TET3: variants seen among roughly 807,000 people sequenced by gnomAD.
TET3 encodes methylcytosine dioxygenase TET3.
In TET3, 19 loss-of-function variants were observed where a neutral mutation model predicts 141.4. The observed-to-expected ratio is 0.13, with a 90% CI of 0.09 to 0.20. The LOEUF (loss-of-function observed/expected upper bound fraction) is 0.20. TET3 is among the 10% of genes least tolerant of loss of function. The probability of loss-of-function intolerance (pLI) is 1.00; values close to 1 mark genes in which losing one functional copy is unlikely to be tolerated. For synonymous variants in TET3, 1,043 were observed against 980.9 expected (o/e 1.06, Z -1.18); for missense variants, 1,874 against 2,356.9 (o/e 0.80, Z 4.24).
At chr2:74,098,378 T>C (rs1690968384) in intron 10 of TET3, among the ~76,000 whole-genome samples, 2 of 152,202 alleles carry the variant, frequency 1.3e-5, no homozygotes, top group African/African-American at 4.8e-5. Context: ...AAAATATTTA[T>C]ACTATGTTAA....
intron 3 of TET3, among the ~76,000 whole-genome samples, chr2:74,045,328 G>A (rs1687560813): frequency 1.3e-5 from 2 of 152,184 alleles, no homozygotes; most frequent in Non-Finnish European, 2.9e-5. Flanking sequence ...TATACATCCT[G>A]TACCTCATCA....
chr2:74,089,391 T>G (rs1238993720), intron 7 of TET3, among the ~76,000 whole-genome samples: 2 of 152,012 alleles, frequency 1.3e-5, no homozygotes, highest in Admixed American at 6.5e-5. Flanking sequence ...ATAGTTTGCT[T>G]ATCCATCCCC....
At chr2:74,095,641 T>TAC (rs1334536470) in intron 10 of TET3, among the ~76,000 whole-genome samples, 6 of 152,254 alleles carry the variant, frequency 3.9e-5, no homozygotes, top group South Asian at 4.1e-4. Flanking sequence ...ACATTATATA[T>TAC]ACATGCTGTT....
chr2:74,100,230 C>T (rs1020718057), intron 11 of TET3, among the ~76,000 whole-genome samples, 163 bp from the exon 12 acceptor site: 3 of 152,088 alleles, frequency 2.0e-5, no homozygotes, highest in East Asian at 3.9e-4. Flanking sequence ...CCAGGGAGTA[C>T]GACCCGTTCT....
At chr2:74,129,292 GACA>G in the TET3 span, among the ~76,000 whole-genome samples, 1 of 105,030 alleles carries the variant, frequency 9.5e-6, no homozygotes, top group Non-Finnish European at 1.8e-5. Context: ...CTCCAGCCTG[GACA>G]ACAAGAGTGA....
chr2:73,999,944 C>G (rs1318959896), intron 2 of TET3, among the ~76,000 whole-genome samples: 1 of 151,784 alleles, frequency 6.6e-6, no homozygotes, highest in Non-Finnish European at 1.5e-5. Flanking sequence ...ACTATGGGCT[C>G]CTCCTCTGGG....
At chr2:74,066,048 C>T (rs550808336) in intron 4 of TET3, among the ~76,000 whole-genome samples, 13 of 152,262 alleles carry the variant, frequency 8.5e-5, no homozygotes, top group South Asian at 2.1e-4. Flanking sequence ...TGAGCCACCG[C>T]GCCTGGCCCA....
the TET3 span, among the ~76,000 whole-genome samples, chr2:74,126,261 C>T: frequency 5.3e-5 from 8 of 152,140 alleles, no homozygotes; most frequent in African/African-American, 1.9e-4. Context: ...TGTTTTAATG[C>T]TGAAAAGAGA....
chr2:74,050,604 C>T (rs906750856), intron 4 of TET3, among the ~76,000 whole-genome samples: 14 of 152,124 alleles, frequency 9.2e-5, no homozygotes, highest in African/African-American at 3.1e-4. Context: ...GGCTGGAATG[C>T]AGTGGCATGA....
chr2:74,089,393 T>TA (rs1690348009), intron 7 of TET3, among the ~76,000 whole-genome samples: 2 of 152,046 alleles, frequency 1.3e-5, no homozygotes, highest in Admixed American at 6.5e-5. Flanking sequence ...AGTTTGCTTA[T>TA]CCATCCCCCA....
rs764813459 is a variant in TET3, at chr2:74,013,673, G to A, written c.360+10507G>A. 1.2e-4 allele frequency among the ~76,000 whole-genome samples: 18 copies of A among 152,008 alleles called. 1 individual carries two copies. The highest frequency in any genetic ancestry group is 1.0e-3 in the Admixed American group (16 of 15,270). On this transcript the variant is annotated intron_variant, in intron 3 of 11. Coordinates refer to ENST00000409262, the MANE Select transcript of TET3 (RefSeq NM_001287491.2). ...AAATACAAAAAAAAATTAGCCGGGC[G>A]TGGTGGCGGGTGCTTGTATTCCCAG...
downstream of TET3, among the ~76,000 whole-genome samples, chr2:74,108,878 T>G (rs1264122022): frequency 1.3e-5 from 2 of 152,176 alleles, no homozygotes; most frequent in Non-Finnish European, 2.9e-5. Context: ...TCACTCTAGG[T>G]GGGAAAGTTC....
intron 4 of TET3, among the ~76,000 whole-genome samples, chr2:74,057,128 C>T (rs776575968): frequency 2.0e-5 from 3 of 152,164 alleles, no homozygotes; most frequent in African/African-American, 2.4e-5. Flanking sequence ...CCAACAGTAC[C>T]GAAAAGGCTA....
chr2:74,016,814 T>G (rs1685753668), intron 3 of TET3, among the ~76,000 whole-genome samples: 1 of 149,312 alleles, frequency 6.7e-6, no homozygotes, highest in Non-Finnish European at 1.5e-5. Context: ...TTGCTTTTAC[T>G]ATTTAATTGA....
At chr2:74,026,730 T>C (rs1686385896) in intron 3 of TET3, among the ~76,000 whole-genome samples, 1 of 152,176 alleles carries the variant, frequency 6.6e-6, no homozygotes, top group Non-Finnish European at 1.5e-5. Flanking sequence ...TCCAACTTTT[T>C]TTTTTTTTTT....
At position 74,027,456 on chromosome 2, in the gene TET3, T is replaced by C. The variant is rs185356436; in HGVS notation, c.361-18822T>C. Among the ~76,000 whole-genome samples, 195 of 151,840 alleles carry C rather than the reference T, an allele frequency of 1.3e-3. 3 individuals carry two copies. The East Asian group carries it at 0.033, about 26-fold the overall frequency. ...GTCAGGATTGTGCAACCAACACCACTCTCTTAGTTCACAAAATTTTTATCC... is the reference window on the plus strand; with the variant it reads ...GTCAGGATTGTGCAACCAACACCACCCTCTTAGTTCACAAAATTTTTATCC... On this transcript the variant is annotated intron_variant, in intron 3 of 11. Transcript: ENST00000409262.
At chr2:73,991,008 C>T (rs893583882) in intron 2 of TET3, among the ~76,000 whole-genome samples, 4 of 151,946 alleles carry the variant, frequency 2.6e-5, no homozygotes, top group Non-Finnish European at 4.4e-5. Context: ...GGGGTTTCAC[C>T]ATGTTGGCCA....
rs1257317893 is a variant in TET3, at chr2:74,099,371, G to A, written c.3363G>A (p.Thr1121=). ...TCCCCCTGTACAAGATGGCCAACAC[G>A]GATGAGTTTGGTAGCGAGGAGAACC... ...HVLPLYKMAN[T]DEFGSEENQN... The change falls in exon 11 of 12, where the codon ACG becomes ACA. Residue 1121 remains threonine, a synonymous_variant. Transcript: ENST00000409262. 24 of 1,613,776 alleles carry A rather than the reference G, an allele frequency of 1.5e-5. No individual in the cohort carries two copies. Among genetic ancestry groups the A allele is most frequent in the African/African-American group, 5.3e-5 (4 of 74,916 alleles).
At chr2:74,124,749 C>G in the TET3 span, among the ~76,000 whole-genome samples, 1 of 151,686 alleles carries the variant, frequency 6.6e-6, no homozygotes, top group East Asian at 1.9e-4. Context: ...GAGTCATCAC[C>G]ACTCCCTAAT....
Sources: allele counts gnomAD v4.1 joint callset (sites outside exome capture counted in the v4.1 genomes callset), GRCh38; gene constraint gnomAD v4.1.1; transcripts MANE v1.5; gene names NCBI Gene and HGNC (gene_info 2026-07-23, HGNC 2026-07-21).